Variants in SYT16 observed in about 807,000 individuals in gnomAD.
SYT16 encodes synaptotagmin-16.
In SYT16, 42 loss-of-function variants were observed where a neutral mutation model predicts 61.4. The ratio of observed to expected loss-of-function variants is 0.68; its 90% confidence interval spans 0.53 to 0.89. The LOEUF (loss-of-function observed/expected upper bound fraction) is 0.89, where lower values mean the gene tolerates loss of function less well. Ranked by LOEUF, SYT16 falls within the 40% of genes least tolerant of loss-of-function variation. SYT16 has a pLI of 0.00. For missense variants in SYT16, 804 were observed against 807.3 expected (o/e 1.00, Z 0.05); for synonymous variants, 314 against 302.3 (o/e 1.04, Z -0.40).
intron 1 of SYT16, among the ~76,000 whole-genome samples, chr14:61,844,164 G>A (rs184791064): frequency 6.6e-6 from 1 of 152,066 alleles, no homozygotes. Context: ...TATTATAAAT[G>A]GTATTACTTT....
At chr14:61,865,316 A>G in intron 1 of SYT16, 1 of 720,984 alleles carries the variant, frequency 1.4e-6, no homozygotes. Flanking sequence ...AGGGATGCGG[A>G]GAGCCTGAAG....
At chr14:62,045,594 T>G (rs1015653773) in intron 3 of SYT16, among the ~76,000 whole-genome samples, 1 of 152,106 alleles carries the variant, frequency 6.6e-6, no homozygotes, top group Non-Finnish European at 1.5e-5. Context: ...TAATGCTATC[T>G]CTCCCCACTT....
intron 1 of SYT16, among the ~76,000 whole-genome samples, chr14:61,943,828 A>C (rs769897482): frequency 6.6e-6 from 1 of 152,242 alleles, no homozygotes; most frequent in Non-Finnish European, 1.5e-5. Flanking sequence ...GGCACAAGAC[A>C]AGAGTGCCCT....
At chr14:62,035,865 C>G (rs1298583901) in intron 3 of SYT16, among the ~76,000 whole-genome samples, 1 of 152,138 alleles carries the variant, frequency 6.6e-6, no homozygotes, top group Non-Finnish European at 1.5e-5. Context: ...GTTAGATGCT[C>G]TTAGAATTCC....
Position 62,036,273 on chromosome 14 carries a change from C to T in SYT16, c.524-33330C>T, listed in dbSNP as rs188053524. Reference sequence around the variant, plus strand: ...AGCAGAGACATCCTGGGCATAGAAACGTGAGGATCTGAAAAAAGAAAAGAG... The same window carrying T: ...AGCAGAGACATCCTGGGCATAGAAATGTGAGGATCTGAAAAAAGAAAAGAG... On this transcript the variant is annotated intron_variant, in intron 3 of 7. Coordinates refer to ENST00000683842, the MANE Select transcript of SYT16 (RefSeq NM_001367656.1). Among the ~76,000 whole-genome samples the T allele has an allele frequency of 1.4e-4, 21 of 152,100 alleles. 1 individual carries two copies. Among genetic ancestry groups the T allele is most frequent in the Admixed American group, 1.2e-3 (19 of 15,278 alleles).
chr14:62,075,424 T>C, intron 5 of SYT16, 33 bp downstream of exon 5: 1 of 1,571,962 alleles, frequency 6.4e-7, no homozygotes, highest in South Asian at 1.2e-5. Context: ...TTTCATTGGT[T>C]CCCTTTCCCC....
At chr14:62,085,089 G>A (rs1370749639) in intron 7 of SYT16, among the ~76,000 whole-genome samples, 2 of 152,162 alleles carry the variant, frequency 1.3e-5, no homozygotes, top group Non-Finnish European at 2.9e-5. Flanking sequence ...CCCCAGAGCT[G>A]CAGTCCAAGG....
rs960244512 is a variant in SYT16 at position 62,103,791 on chromosome 14, A to G, written c.*3084A>G. 8 of 152,206 alleles carry G rather than the reference A, an allele frequency of 5.3e-5. No homozygotes were observed. Among genetic ancestry groups the G allele is most frequent in the Non-Finnish European group, 1.0e-4 (7 of 68,040 alleles). The allele number at this position is 152,206 out of a possible 1,614,324, so 9.4% of individuals were successfully genotyped here. A position where few individuals can be genotyped will look rare whatever the true frequency, so the allele number is the denominator to read the frequency against. On this transcript the variant is annotated 3_prime_UTR_variant, in exon 8 of 8. Coordinates refer to ENST00000683842, the MANE Select transcript of SYT16 (RefSeq NM_001367656.1). ...GGATGTGGCATTCCACCTGCATGAA[A>G]TCAGGAAAAGAATCATCACCATGTT...
intron 6 of SYT16, among the ~76,000 whole-genome samples, chr14:62,082,435 G>C (rs538876914): frequency 6.6e-6 from 1 of 152,262 alleles, no homozygotes; most frequent in African/African-American, 2.4e-5. Context: ...AATCTCAGAA[G>C]TCATCTGTGA....
rs183505828 is a variant in SYT16 at position 62,076,687 on chromosome 14, C to T, written c.993+1296C>T. On this transcript the variant is annotated intron_variant, in intron 5 of 7. Coordinates refer to ENST00000683842, the MANE Select transcript of SYT16 (RefSeq NM_001367656.1). Reference sequence around the variant, plus strand: ...ACATTTTGTTTAAAAAAAGAAAAAACTCTGCTTACCCGTTAGTTTACTACC... The same window carrying T: ...ACATTTTGTTTAAAAAAAGAAAAAATTCTGCTTACCCGTTAGTTTACTACC... 3.3e-3 allele frequency among the ~76,000 whole-genome samples: 495 copies of T among 152,272 alleles called. 2 individuals carry two copies. Among genetic ancestry groups the T allele is most frequent in the Admixed American group, 6.5e-3 (99 of 15,300 alleles).
intron 2 of SYT16, among the ~76,000 whole-genome samples, chr14:61,980,747 C>G (rs2052033644): frequency 6.6e-6 from 1 of 151,906 alleles, no homozygotes; most frequent in Non-Finnish European, 1.5e-5. Flanking sequence ...CGTAAAGAGG[C>G]AAATAAATAA....
intron 1 of SYT16, among the ~76,000 whole-genome samples, chr14:61,817,991 G>A (rs2045495442): frequency 6.6e-6 from 1 of 152,164 alleles, no homozygotes; most frequent in East Asian, 1.9e-4. Context: ...ATTTGGGGGA[G>A]GGAGTTTATA....
intron 1 of SYT16, among the ~76,000 whole-genome samples, chr14:61,952,021 T>C: frequency 6.6e-6 from 1 of 152,102 alleles, no homozygotes. Flanking sequence ...ACTCCTGGGC[T>C]CAAGCGTCCT....
At chr14:62,050,111 G>A (rs926957998) in intron 3 of SYT16, among the ~76,000 whole-genome samples, 7 of 152,184 alleles carry the variant, frequency 4.6e-5, no homozygotes, top group South Asian at 2.1e-4. Context: ...AGGTACACCA[G>A]TCAGACATAG....
intron 5 of SYT16, among the ~76,000 whole-genome samples, chr14:62,079,171 T>G (rs1263631444): frequency 6.6e-6 from 1 of 152,198 alleles, no homozygotes; most frequent in Non-Finnish European, 1.5e-5. Flanking sequence ...GAGACTTGCT[T>G]CTAATATATA....
intron 1 of SYT16, among the ~76,000 whole-genome samples, chr14:61,841,796 C>T (rs550897734): frequency 1.7e-4 from 26 of 152,182 alleles, no homozygotes; most frequent in African/African-American, 6.0e-4. Context: ...TGTGTTAGTT[C>T]CTTAAGATAA....
At chr14:62,089,833 G>A (rs2057011200) in intron 7 of SYT16, among the ~76,000 whole-genome samples, 1 of 152,214 alleles carries the variant, frequency 6.6e-6, no homozygotes, top group South Asian at 2.1e-4. Context: ...AGTGTATAGT[G>A]TCTAGCAGAC....
At chr14:62,023,385 C>T (rs1324280655) in intron 3 of SYT16, among the ~76,000 whole-genome samples, 2 of 152,180 alleles carry the variant, frequency 1.3e-5, no homozygotes, top group Non-Finnish European at 2.9e-5. Context: ...TTCCCCCAAA[C>T]ATACAGGTGA....
intron 1 of SYT16, among the ~76,000 whole-genome samples, chr14:61,885,212 G>A (rs2047855627): frequency 6.6e-6 from 1 of 152,144 alleles, no homozygotes. Flanking sequence ...CCAGACTCTT[G>A]GATTCTAAAC....
Sources: gnomAD v4.1 joint callset for allele counts (sites outside exome capture counted in the v4.1 genomes callset) on GRCh38, gnomAD v4.1.1 for gene constraint, MANE v1.5 for transcripts, NCBI Gene and HGNC (gene_info 2026-07-23, HGNC 2026-07-21) for gene names.